CLYBL: variants seen among roughly 807,000 people sequenced by gnomAD.
CLYBL encodes the protein citramalyl-CoA lyase, also known as citramalyl-CoA lyase, mitochondrial.
In CLYBL, 31 loss-of-function variants were observed where a neutral mutation model predicts 38.9. The ratio of observed to expected loss-of-function variants is 0.80; its 90% CI spans 0.60 to 1.08. CLYBL has a LOEUF of 1.08. Ranked by LOEUF, CLYBL falls within the 50% of genes least tolerant of loss-of-function variation. The pLI is 0.00. For missense variants in CLYBL, 434 were observed against 411.6 expected, an observed-to-expected ratio of 1.05 and a Z score of -0.47; for synonymous variants, 171 against 158.6, an observed-to-expected ratio of 1.08 and a Z score of -0.59.
intron 1 of CLYBL, among the ~76,000 whole-genome samples, chr13:99,766,203 A>T (rs1386700965): frequency 6.9e-6 from 1 of 145,084 alleles, no homozygotes; most frequent in African/African-American, 2.5e-5. Flanking sequence ...ATCTTTGTTG[A>T]TTCTCATTTT....
At position 99,860,405 on chromosome 13, in the gene CLYBL, C is replaced by T. The variant is rs115646486; in HGVS notation, c.438+1356C>T. ...CTGTGTTGGATCCTTCTTGAAGACC[C>T]GTATTCAAGGACCAGTTATTTATTG... On this transcript the variant is annotated intron_variant, in intron 3 of 8. Coordinates refer to ENST00000339105, the MANE Select transcript of CLYBL (RefSeq NM_206808.5). 8.1e-3 allele frequency among the ~76,000 whole-genome samples: 1,225 copies of T among 152,134 alleles called. 17 individuals are homozygous for T. The highest frequency in any genetic ancestry group is 0.028 in the African/African-American group (1,160 of 41,492).
At chr13:99,784,679 C>T (rs886438579) in intron 2 of CLYBL, among the ~76,000 whole-genome samples, 35 of 151,976 alleles carry the variant, frequency 2.3e-4, no homozygotes, top group Non-Finnish European at 3.4e-4. Context: ...GTCTTAAATT[C>T]CTGACCTCAG....
chr13:99,656,556 C>A (rs1161451006), intron 1 of CLYBL, among the ~76,000 whole-genome samples: 2 of 152,184 alleles, frequency 1.3e-5, no homozygotes, highest in African/African-American at 4.8e-5. Flanking sequence ...TGCATTGCCG[C>A]ATTTTTACTG....
chr13:99,645,367 G>A (rs1053386169), intron 1 of CLYBL, among the ~76,000 whole-genome samples: 2 of 151,960 alleles, frequency 1.3e-5, no homozygotes, highest in African/African-American at 2.4e-5. Context: ...GCGTGGTGGC[G>A]GGTGCCTGTA....
intron 1 of CLYBL, among the ~76,000 whole-genome samples, chr13:99,610,691 A>G (rs1162375575): frequency 2.0e-5 from 3 of 152,198 alleles, no homozygotes; most frequent in African/African-American, 7.2e-5. Context: ...GGTTAGCTAG[A>G]CATGAGCACT....
chr13:99,722,086 T>G (rs1399992096), intron 1 of CLYBL, among the ~76,000 whole-genome samples: 1 of 152,256 alleles, frequency 6.6e-6, no homozygotes, highest in Non-Finnish European at 1.5e-5. Flanking sequence ...ACAAAAGCTT[T>G]TAGTTACTTT....
At chr13:99,821,384 C>T (rs2050585214) in intron 2 of CLYBL, among the ~76,000 whole-genome samples, 1 of 152,240 alleles carries the variant, frequency 6.6e-6, no homozygotes, top group Non-Finnish European at 1.5e-5. Context: ...TCACATTATT[C>T]TGTGACTACA....
At chr13:99,769,011 C>T (rs767201891) in intron 1 of CLYBL, among the ~76,000 whole-genome samples, 14 of 152,184 alleles carry the variant, frequency 9.2e-5, no homozygotes, top group Non-Finnish European at 1.5e-4. Context: ...GGGCTTGCAA[C>T]ATTGGAGGGA....
At chr13:99,706,849 C>A (rs1321114275) in intron 1 of CLYBL, among the ~76,000 whole-genome samples, 1 of 152,056 alleles carries the variant, frequency 6.6e-6, no homozygotes, top group African/African-American at 2.4e-5. Context: ...GTGTTGTCAT[C>A]CAGACTGGAA....
chr13:99,640,485 G>A (rs904583252), intron 1 of CLYBL, among the ~76,000 whole-genome samples: 1 of 152,250 alleles, frequency 6.6e-6, no homozygotes, highest in African/African-American at 2.4e-5. Context: ...AATAGTTAAA[G>A]TGTGAGAATG....
At chr13:99,741,194 C>A (rs1313523641) in intron 1 of CLYBL, among the ~76,000 whole-genome samples, 1 of 152,134 alleles carries the variant, frequency 6.6e-6, no homozygotes, top group Admixed American at 6.5e-5. Context: ...AACTGTAGGA[C>A]ACAAAACAGA....
At chr13:99,622,278 G>A (rs2139206863) in intron 1 of CLYBL, among the ~76,000 whole-genome samples, 1 of 152,282 alleles carries the variant, frequency 6.6e-6, no homozygotes, top group East Asian at 1.9e-4. Flanking sequence ...TAAATACTGG[G>A]TATAAGGACG....
intron 1 of CLYBL, among the ~76,000 whole-genome samples, chr13:99,651,111 G>A (rs1395923307): frequency 6.6e-6 from 1 of 152,134 alleles, no homozygotes; most frequent in African/African-American, 2.4e-5. Flanking sequence ...ACTGCCGTGG[G>A]CCAGCAGACA....
chr13:99,729,817 C>A (rs573832460), intron 1 of CLYBL, among the ~76,000 whole-genome samples: 2 of 152,336 alleles, frequency 1.3e-5, no homozygotes, highest in South Asian at 4.1e-4. Context: ...GTGCCACTAC[C>A]CCCTGCCACC....
chr13:99,863,886 C>T (rs1007405707), intron 4 of CLYBL, among the ~76,000 whole-genome samples: 6 of 152,110 alleles, frequency 3.9e-5, no homozygotes, highest in Non-Finnish European at 8.8e-5. Context: ...AAAACATAGT[C>T]GAACTGTACT....
intron 1 of CLYBL, among the ~76,000 whole-genome samples, chr13:99,749,474 A>G (rs1432178714): frequency 6.6e-6 from 1 of 151,974 alleles, no homozygotes; most frequent in African/African-American, 2.4e-5. Flanking sequence ...TGTACCAGGA[A>G]CCCCACAATA....
At position 99,871,034 on chromosome 13, in the gene CLYBL, C is replaced by T; in HGVS notation, c.899C>T (p.Ala300Val). Residue 300 changes from alanine (A) to valine (V), a missense_variant, in exon 7 of 9, where the codon GCC (alanine) becomes GTC (valine). By Grantham distance (64) the Ala-to-Val change is moderately conservative. Coordinates refer to ENST00000339105, the MANE Select transcript of CLYBL (RefSeq NM_206808.5). ...KIKWAEELIAAFKEHQQLGKG... is the reference protein window; with the variant it reads ...KIKWAEELIAVFKEHQQLGKG... ...AAGTGGGCTGAAGAACTGATTGCTG[C>T]CTTTAAAGAACATCAACAATTAGGA... is the stretch of plus-strand genomic sequence containing the variant. 6.2e-7 allele frequency: 1 copy of T among 1,613,858 alleles called. No homozygotes were observed. The highest frequency in any genetic ancestry group is 1.3e-5 in the African/African-American group (1 of 74,990).
chr13:99,776,046 C>G (rs946427327), intron 2 of CLYBL, among the ~76,000 whole-genome samples: 12 of 151,722 alleles, frequency 7.9e-5, no homozygotes, highest in Non-Finnish European at 1.5e-4. Context: ...CGCCTGCAGT[C>G]CCAGCTACTC....
intron 1 of CLYBL, among the ~76,000 whole-genome samples, chr13:99,714,637 A>T (rs2048284975): frequency 6.7e-6 from 1 of 149,620 alleles, no homozygotes. Context: ...AAATAAATAA[A>T]TAATAAAAAT....
Sources: gnomAD v4.1 joint callset for allele counts (sites outside exome capture counted in the v4.1 genomes callset) on GRCh38, gnomAD v4.1.1 for gene constraint, MANE v1.5 for transcripts, NCBI Gene and HGNC (gene_info 2026-07-23, HGNC 2026-07-21) for gene names.